The following SH3PXD2B variants were observed in gnomAD, a reference collection of about 807,000 sequenced individuals.
The protein encoded by SH3PXD2B is SH3 and PX domain-containing protein 2B.
A neutral mutation model predicts 73.1 loss-of-function variants in SH3PXD2B; 37 were observed. That is an observed-to-expected ratio of 0.51 (90% CI 0.39 to 0.67). SH3PXD2B has a LOEUF of 0.67. Among genes scored for constraint, SH3PXD2B ranks in the 30% least tolerant of loss-of-function variants. The pLI is 0.00. For synonymous variants in SH3PXD2B, 457 were observed against 480.5 expected (o/e 0.95, Z 0.64); for missense variants, 1,053 against 1,197.8 (o/e 0.88, Z 1.78).
chr5:172,434,589 A>G (rs1393927177), intron 1 of SH3PXD2B, among the ~76,000 whole-genome samples: 1 of 152,310 alleles, frequency 6.6e-6, no homozygotes, highest in East Asian at 1.9e-4. Flanking sequence ...TTGCCCTGCT[A>G]GTAAAATCTC....
At chr5:172,328,286 A>G (rs1000722740) in intron 12 of SH3PXD2B, among the ~76,000 whole-genome samples, 17 of 151,398 alleles carry the variant, frequency 1.1e-4, no homozygotes, top group African/African-American at 4.1e-4. Context: ...TTGCATTTTT[A>G]GTAGAGACGG....
Position 172,353,826 on chromosome 5 carries a change from C to A in SH3PXD2B, c.785+62G>T. The A allele has an allele frequency of 1.4e-6, 2 of 1,388,748 alleles. No homozygotes were observed. Among genetic ancestry groups the A allele is most frequent in the Non-Finnish European group, 2.0e-6 (2 of 976,264 alleles). 86.0% of individuals were successfully genotyped at this position (1,388,748 alleles called of 1,614,324 possible). A position where few individuals can be genotyped will look rare whatever the true frequency, so the allele number is the denominator to read the frequency against. ...TCTGTGAGGCCAGAGTCCCTGTGAC[C>A]CCAAACCCACCCAGCGTGACCCCAA... On this transcript the variant is annotated intron_variant, in intron 9 of 12. Coordinates refer to ENST00000311601, the MANE Select transcript of SH3PXD2B (RefSeq NM_001017995.3). The surrounding 1 kb of genome is among the most constrained non-coding windows in gnomAD (Gnocchi z 4.3).
intron 4 of SH3PXD2B, among the ~76,000 whole-genome samples, chr5:172,385,882 A>G (rs1758050721): frequency 1.3e-5 from 2 of 152,244 alleles, no homozygotes; most frequent in African/African-American, 4.8e-5. Flanking sequence ...CTTGGCTACC[A>G]GTAAAAAATG....
At position 172,350,667 on chromosome 5, in the gene SH3PXD2B, C is replaced by T. The variant is rs1197586279; in HGVS notation, c.786-78G>A. On this transcript the variant is annotated intron_variant, in intron 9 of 12. Transcript: ENST00000311601. ...GAAGCCTTGCTCCTACTGGGAATCA[C>T]ATGACAGGTCCCAGGGAGCAGGAAC... The T allele has an allele frequency of 9.2e-6, 13 of 1,419,170 alleles. No individual in the cohort carries two copies. The African/African-American group carries it at 1.8e-4, about 20-fold the overall frequency. 87.9% of individuals were successfully genotyped at this position (1,419,170 alleles called of 1,614,324 possible). A position where few individuals can be genotyped will look rare whatever the true frequency, so the allele number is the denominator to read the frequency against.
intron 1 of SH3PXD2B, among the ~76,000 whole-genome samples, chr5:172,453,385 T>A (rs902696068): frequency 4.2e-4 from 64 of 152,166 alleles, no homozygotes; most frequent in African/African-American, 1.4e-3. Context: ...CACATCCCCT[T>A]TATCTCCACC....
intron 3 of SH3PXD2B, among the ~76,000 whole-genome samples, chr5:172,396,794 A>G (rs1239148019): frequency 1.3e-5 from 2 of 152,108 alleles, no homozygotes; most frequent in African/African-American, 4.8e-5. Flanking sequence ...TAAAAATACA[A>G]AAATTAGCTG....
rs547686483 is a variant in SH3PXD2B at position 172,414,207 on chromosome 5, G to A, written c.157-7855C>T. Reference sequence around the variant, plus strand: ...GTCAAGGCCGGGCGCAGTGGCTCACGCCTGTAATCCCAGCACTTTGGGAGG... The same window carrying A: ...GTCAAGGCCGGGCGCAGTGGCTCACACCTGTAATCCCAGCACTTTGGGAGG... On this transcript the variant is annotated intron_variant, in intron 2 of 12. Transcript: ENST00000311601. 1.2e-3 allele frequency among the ~76,000 whole-genome samples: 182 copies of A among 152,298 alleles called. 1 individual carries two copies. Among genetic ancestry groups the A allele is most frequent in the African/African-American group, 4.2e-3 (173 of 41,562 alleles).
At chr5:172,363,334 T>C (rs997823547) in intron 6 of SH3PXD2B, among the ~76,000 whole-genome samples, 1 of 152,178 alleles carries the variant, frequency 6.6e-6, no homozygotes, top group African/African-American at 2.4e-5. Flanking sequence ...CCTATTAATC[T>C]ATGAAATCAC....
chr5:172,404,523 C>T (rs1375606131), intron 3 of SH3PXD2B, among the ~76,000 whole-genome samples: 1 of 152,114 alleles, frequency 6.6e-6, no homozygotes, highest in Non-Finnish European at 1.5e-5. Flanking sequence ...AACTCCTAGC[C>T]TCAGATAATC....
intron 8 of SH3PXD2B, among the ~76,000 whole-genome samples, chr5:172,356,228 A>G (rs1437322889): frequency 6.6e-6 from 1 of 152,178 alleles, no homozygotes; most frequent in East Asian, 1.9e-4. Flanking sequence ...TGCTGTCATC[A>G]TGAGAGAATG....
intron 1 of SH3PXD2B, among the ~76,000 whole-genome samples, chr5:172,432,838 C>T (rs1489793772): frequency 5.1e-5 from 7 of 137,894 alleles, no homozygotes. Flanking sequence ...CTTGAATCTG[C>T]GAGGCGGAGA....
chr5:172,416,665 A>AT (rs1306336269), intron 2 of SH3PXD2B, among the ~76,000 whole-genome samples: 1 of 108,032 alleles, frequency 9.3e-6, no homozygotes, highest in Non-Finnish European at 2.0e-5. Context: ...GGACCTTTTC[A>AT]TAGAGACTGT....
chr5:172,331,182 G>C (rs115285284), downstream of SH3PXD2B, among the ~76,000 whole-genome samples: 2 of 152,302 alleles, frequency 1.3e-5, no homozygotes, highest in African/African-American at 4.8e-5. Context: ...GCGACAGAGC[G>C]AGACTCTTGT....
chr5:172,415,631 C>A (rs1181689553), intron 2 of SH3PXD2B, among the ~76,000 whole-genome samples: 1 of 152,210 alleles, frequency 6.6e-6, no homozygotes, highest in African/African-American at 2.4e-5. Flanking sequence ...TGGCACATTC[C>A]AGTTAGTGAC....
At chr5:172,365,166 G>A (rs928828710) in intron 6 of SH3PXD2B, among the ~76,000 whole-genome samples, 1 of 152,214 alleles carries the variant, frequency 6.6e-6, no homozygotes, top group African/African-American at 2.4e-5. Flanking sequence ...CAGAGGAAGA[G>A]AGAGCAGGAA....
chr5:172,395,402 C>G (rs1017981156), intron 3 of SH3PXD2B, among the ~76,000 whole-genome samples: 4 of 152,194 alleles, frequency 2.6e-5, no homozygotes, highest in African/African-American at 7.2e-5. Flanking sequence ...TTTGAGTTCT[C>G]TTATTTCACC....
intron 1 of SH3PXD2B, among the ~76,000 whole-genome samples, chr5:172,434,024 T>G (rs1759312724): frequency 6.6e-6 from 1 of 152,150 alleles, no homozygotes; most frequent in Non-Finnish European, 1.5e-5. Context: ...AGGGGTCAGC[T>G]CTTCCATGAA....
intron 6 of SH3PXD2B, among the ~76,000 whole-genome samples, chr5:172,367,668 C>T (rs1757560111): frequency 6.6e-6 from 1 of 152,140 alleles, no homozygotes; most frequent in Admixed American, 6.5e-5. Context: ...GAATAAGACT[C>T]CTTTATAGTT....
At chr5:172,341,005 C>A (rs945840026) in intron 12 of SH3PXD2B, among the ~76,000 whole-genome samples, 2 of 152,126 alleles carry the variant, frequency 1.3e-5, no homozygotes, top group African/African-American at 4.8e-5. Context: ...TCATCGTGTC[C>A]CTACTTCCCT....
Sources: gnomAD v4.1 joint callset for allele counts (sites outside exome capture counted in the v4.1 genomes callset) on GRCh38, gnomAD v4.1.1 for gene constraint, Gnocchi (gnomAD v3.1) non-coding constraint, MANE v1.5 for transcripts, NCBI Gene and HGNC (gene_info 2026-07-23, HGNC 2026-07-21) for gene names.